RREB1: variants seen among roughly 807,000 people sequenced by gnomAD.
The protein encoded by RREB1 is ras-responsive element-binding protein 1.
RREB1 carries 27 observed loss-of-function variants against 117.8 expected under a neutral mutation model. The observed-to-expected ratio is 0.23, with a 90% CI of 0.17 to 0.32. RREB1 has a LOEUF of 0.32. RREB1 is among the 10% of genes least tolerant of loss of function. The pLI, the probability that RREB1 is intolerant of heterozygous loss-of-function variation, is 1.00. For missense variants in RREB1, 2,577 were observed against 2,378.2 expected, an observed-to-expected ratio of 1.08 and a Z score of -1.74; for synonymous variants, 1,298 against 1,026.7, an observed-to-expected ratio of 1.26 and a Z score of -5.05.
In RREB1 at chr6:7,249,183, C is replaced by T. The variant is rs1769303673; in HGVS notation, c.*215C>T. On this transcript the variant is annotated 3_prime_UTR_variant, in exon 13 of 13. Coordinates refer to ENST00000379938, the MANE Select transcript of RREB1 (RefSeq NM_001003699.4). ...GGGAGGCCACAGCCCGTGCCGATTC[C>T]AGTGCCTTAACTACTTACCGGATCC... 4.0e-6 allele frequency: 2 copies of T among 501,198 alleles called. No homozygotes were observed. Among genetic ancestry groups the T allele is most frequent in the East Asian group, 3.1e-5 (1 of 32,486 alleles). The allele number at this position is 501,198 out of a possible 1,614,324, so 31.0% of individuals were successfully genotyped here.
chr6:7,215,788 G>C (rs546906092), intron 8 of RREB1: 4 of 152,346 alleles, frequency 2.6e-5, no homozygotes, highest in Admixed American at 6.5e-5. Flanking sequence ...TCCATGTACT[G>C]ACTCTTTGAA....
At chr6:7,222,258 T>G (rs1368181146) in intron 8 of RREB1, among the ~76,000 whole-genome samples, 1 of 152,234 alleles carries the variant, frequency 6.6e-6, no homozygotes. Flanking sequence ...AGGCCCATCT[T>G]CTAGTTATTC....
chr6:7,110,720 G>A (rs1170824152), intron 1 of RREB1, among the ~76,000 whole-genome samples: 2 of 152,198 alleles, frequency 1.3e-5, no homozygotes, highest in Admixed American at 6.5e-5. Flanking sequence ...TCCATTTTAG[G>A]TTAATGAACT....
At position 7,229,688 on chromosome 6, in the gene RREB1, C is replaced by T. The variant is rs765918192; in HGVS notation, c.1589C>T (p.Ala530Val). 5 of 1,610,776 alleles carry T rather than the reference C, an allele frequency of 3.1e-6. No homozygotes were observed. Among genetic ancestry groups the T allele is most frequent in the Non-Finnish European group, 4.2e-6 (5 of 1,178,596 alleles). The change falls in exon 10 of 13, where the codon GCC becomes GTC. Residue 530 changes from alanine to valine, a missense_variant. Physicochemically the swap from Ala to Val is moderately conservative, Grantham distance 64. Transcript: ENST00000379938. The surrounding 1 kb of genome is among the most constrained non-coding windows in gnomAD (Gnocchi z 4.5). ...TCCACGCCCCCGCCTCTCATCAACG[C>T]CCAGCAGGCTTCCCCGGGCTGTATC... ...ATSTPPPLIN[A>V]QQASPGCISP... is the part of the protein sequence containing the mutation.
At position 7,207,031 on chromosome 6, in the gene RREB1, T is replaced by C. The variant is rs111855069; in HGVS notation, c.426-3773T>C. Among the ~76,000 whole-genome samples, 21 of 152,274 alleles carry C rather than the reference T, an allele frequency of 1.4e-4. 1 individual carries two copies. Among genetic ancestry groups the C allele is most frequent in the African/African-American group, 4.3e-4 (18 of 41,564 alleles). ...GGGGAGTGGTATGATTGGTCCTGTG[T>C]TTTAGATGCTCAGTCTGGCTGCTGG... is the stretch of plus-strand genomic sequence containing the variant. On this transcript the variant is annotated intron_variant, in intron 6 of 12. Coordinates refer to ENST00000379938, the MANE Select transcript of RREB1 (RefSeq NM_001003699.4).
At position 7,231,188 on chromosome 6, in the gene RREB1, T is replaced by C. The variant is rs1445236330; in HGVS notation, c.3089T>C (p.Val1030Ala). 6.2e-7 allele frequency: 1 copy of C among 1,611,498 alleles called. No individual in the cohort carries two copies. Among genetic ancestry groups the C allele is most frequent in the Non-Finnish European group, 8.5e-7 (1 of 1,179,222 alleles). Residue 1030 changes from valine to alanine, a missense_variant, in exon 10 of 13, where the codon GTG (valine) becomes GCG (alanine). Physicochemically the swap from Val to Ala is moderately conservative, Grantham distance 64 (BLOSUM62 0). Coordinates refer to ENST00000379938, the MANE Select transcript of RREB1 (RefSeq NM_001003699.4). ...GCCCTGGTCAGCAGCCCTCCACTCG[T>C]GGGCAGCTCAGCCCTCCTGAGTGGC... ...SSALVSSPPL[V>A]GSSALLSGTA...
chr6:7,191,660 A>G (rs1765416620), intron 6 of RREB1, among the ~76,000 whole-genome samples: 1 of 152,192 alleles, frequency 6.6e-6, no homozygotes, highest in Admixed American at 6.5e-5. Flanking sequence ...AACGTCTCAT[A>G]GTTTTCAGAG....
chr6:7,172,776 G>T (rs1337927238), intron 1 of RREB1, among the ~76,000 whole-genome samples: 2 of 152,052 alleles, frequency 1.3e-5, no homozygotes, highest in African/African-American at 4.8e-5. Flanking sequence ...TCAACTTCCT[G>T]GAACTCAAAG....
chr6:7,140,335 G>A (rs1272255950), intron 1 of RREB1, among the ~76,000 whole-genome samples: 2 of 152,122 alleles, frequency 1.3e-5, no homozygotes, highest in African/African-American at 4.8e-5. Context: ...AACACTTATC[G>A]TGGTGATTCT....
intron 1 of RREB1, among the ~76,000 whole-genome samples, chr6:7,165,410 A>C (rs1490383878): frequency 6.6e-6 from 1 of 152,206 alleles, no homozygotes; most frequent in Non-Finnish European, 1.5e-5. Context: ...ATTCAAGTAA[A>C]TTACGGGTGG....
chr6:7,109,890 T>C (rs531230512), intron 1 of RREB1, among the ~76,000 whole-genome samples: 4 of 152,234 alleles, frequency 2.6e-5, no homozygotes, highest in Admixed American at 6.5e-5. Flanking sequence ...TAAAAAAATA[T>C]AACGTTTTGG....
chr6:7,116,904 A>C (rs935653538), intron 1 of RREB1, among the ~76,000 whole-genome samples: 3 of 152,122 alleles, frequency 2.0e-5, no homozygotes, highest in African/African-American at 4.8e-5. Context: ...TAAATAGGAG[A>C]GATGGGCACA....
In RREB1 at chr6:7,230,713, A is replaced by G. The variant is rs1020931615; in HGVS notation, c.2614A>G (p.Arg872Gly). 1.3e-6 allele frequency: 2 copies of G among 1,595,924 alleles called. No homozygotes were observed. The highest frequency in any genetic ancestry group is 1.3e-5 in the African/African-American group (1 of 74,380). ...GGAACCCCAGAACGGCTTTCTTCAC[A>G]GGGGCCCCACCCAGCCTCCACCTCC... is the stretch of plus-strand genomic sequence containing the variant. ...FLEPQNGFLH[R>G]GPTQPPPPHV... The change falls in exon 10 of 13, where the codon AGG (arginine) becomes GGG (glycine). Residue 872 changes from arginine (R) to glycine (G), a missense_variant. By Grantham distance (125) the Arg-to-Gly change is moderately radical. Coordinates refer to ENST00000379938, the MANE Select transcript of RREB1 (RefSeq NM_001003699.4).
intron 6 of RREB1, among the ~76,000 whole-genome samples, chr6:7,202,283 G>A (rs1472330540): frequency 6.6e-6 from 1 of 152,186 alleles, no homozygotes; most frequent in Non-Finnish European, 1.5e-5. Context: ...CTGAGGAGTA[G>A]CAGTGACTTA....
At chr6:7,152,919 C>T (rs4585612) in intron 1 of RREB1, among the ~76,000 whole-genome samples, 61,410 of 152,064 alleles carry the variant, frequency 0.4, 16,005 homozygotes, top group Non-Finnish European at 0.58. Flanking sequence ...TGCTGCTTTG[C>T]TCTGCAGACC....
rs146968055 is a variant in RREB1, at chr6:7,120,882, C to T, written c.-285+12822C>T. On this transcript the variant is annotated intron_variant, in intron 1 of 12. Coordinates refer to ENST00000379938, the MANE Select transcript of RREB1 (RefSeq NM_001003699.4). ...TCACCCAGGCTGGAGTGCTGTGGCA[C>T]GATATTGGCTCACCGCAGCCTCTGC... Among the ~76,000 whole-genome samples, 720 of 146,994 alleles carry T rather than the reference C, an allele frequency of 4.9e-3. 5 individuals are homozygous for T. Among genetic ancestry groups the T allele is most frequent in the African/African-American group, 0.017 (677 of 39,322 alleles).
At chr6:7,127,164 C>G (rs2113339818) in intron 1 of RREB1, among the ~76,000 whole-genome samples, 1 of 151,622 alleles carries the variant, frequency 6.6e-6, no homozygotes, top group South Asian at 2.1e-4. Context: ...AGTGTTGGCC[C>G]TGGAAAAATG....
intron 1 of RREB1, among the ~76,000 whole-genome samples, chr6:7,126,172 T>G (rs532093373): frequency 2.4e-4 from 36 of 152,132 alleles, no homozygotes; most frequent in Admixed American, 1.0e-3. Context: ...CAGCTAATTT[T>G]TGTATTTTTA....
intron 1 of RREB1, among the ~76,000 whole-genome samples, chr6:7,156,461 T>C (rs1426543666): frequency 1.3e-5 from 2 of 152,228 alleles, no homozygotes; most frequent in African/African-American, 4.8e-5. Context: ...GATGTGCTTT[T>C]TGCCTCTTAA....
Sources: allele counts gnomAD v4.1 joint callset (sites outside exome capture counted in the v4.1 genomes callset), GRCh38; gene constraint gnomAD v4.1.1; non-coding constraint Gnocchi (gnomAD v3.1); transcripts MANE v1.5; gene names NCBI Gene and HGNC (gene_info 2026-07-23, HGNC 2026-07-21).